The following PCCB variants were observed in gnomAD, a reference collection of about 807,000 sequenced individuals.
The protein encoded by PCCB is propionyl-CoA carboxylase subunit beta.
In PCCB, 43 loss-of-function variants were observed where a neutral mutation model predicts 60.7. The observed-to-expected ratio is 0.71, with a 90% CI of 0.55 to 0.91. The LOEUF (loss-of-function observed/expected upper bound fraction) is 0.91, where lower values mean the gene tolerates loss of function less well. PCCB is among the 40% of genes least tolerant of loss of function. PCCB has a pLI of 0.00. For missense variants in PCCB, 766 were observed against 702.8 expected (o/e 1.09, Z -1.02); for synonymous variants, 276 against 255.9 (o/e 1.08, Z -0.75).
chr3:136,277,786 C>T (rs1275694798), intron 5 of PCCB, among the ~76,000 whole-genome samples: 1 of 152,174 alleles, frequency 6.6e-6, no homozygotes, highest in African/African-American at 2.4e-5. Flanking sequence ...CTGCACTGGG[C>T]TAAGTTCCAG....
chr3:136,326,444 G>C, intron 10 of PCCB: 1 of 701,240 alleles, frequency 1.4e-6, no homozygotes, highest in South Asian at 1.5e-5. Context: ...GCCATCATCA[G>C]TGGAGCCAGA....
At chr3:136,273,380 T>C (rs1942248055) in intron 5 of PCCB, among the ~76,000 whole-genome samples, 1 of 152,080 alleles carries the variant, frequency 6.6e-6, no homozygotes, top group African/African-American at 2.4e-5. Flanking sequence ...TGAGTTTCTG[T>C]CTCAACAAAA....
intron 1 of PCCB, chr3:136,251,140 G>C (rs913853466): frequency 2.2e-6 from 1 of 445,956 alleles, no homozygotes; most frequent in African/African-American, 2.0e-5. Context: ...GCAAAGGCAC[G>C]TGTCGGAAGC....
chr3:136,256,223 G>A (rs1293298612), intron 2 of PCCB: 5 of 575,572 alleles, frequency 8.7e-6, no homozygotes, highest in South Asian at 2.0e-5. Context: ...GACTACAGGC[G>A]TGAGCGACCG....
At chr3:136,259,159 C>T in intron 3 of PCCB, 1 of 1,464,312 alleles carries the variant, frequency 6.8e-7, no homozygotes, top group Non-Finnish European at 9.0e-7. Flanking sequence ...GTTTTTTAAC[C>T]TTTCTTTTTA....
intron 10 of PCCB, among the ~76,000 whole-genome samples, chr3:136,323,741 C>T (rs151287864): frequency 2.3e-4 from 34 of 150,818 alleles, no homozygotes; most frequent in African/African-American, 7.1e-4. Context: ...GCTGAGATGG[C>T]GCCATTGCAC....
At chr3:136,261,900 T>C in intron 4 of PCCB, 52 bp from the exon 5 acceptor site, 1 of 1,286,464 alleles carries the variant, frequency 7.8e-7, no homozygotes, top group Non-Finnish European at 1.1e-6. Context: ...GTGAATGTCG[T>C]TTTTTATATC....
chr3:136,322,007 A>T lies in PCCB; in HGVS notation c.1091-4796A>T, dbSNP rs540735771. 2.6e-5 allele frequency among the ~76,000 whole-genome samples: 4 copies of T among 152,344 alleles called. No individual in the cohort carries two copies. The East Asian group carries it at 7.7e-4, about 29-fold the overall frequency. ...TCTTCCTGCATTAGCCAGGACTTCCAATACAATATTGAAAGATAGTGGTGA... is the reference window on the plus strand; with the variant it reads ...TCTTCCTGCATTAGCCAGGACTTCCTATACAATATTGAAAGATAGTGGTGA... On this transcript the variant is annotated intron_variant, in intron 10 of 14. Coordinates refer to ENST00000251654, the MANE Select transcript of PCCB (RefSeq NM_000532.5).
intron 9 of PCCB, 25 bp downstream of exon 9, chr3:136,301,136 G>A: frequency 6.3e-7 from 1 of 1,577,054 alleles, no homozygotes; most frequent in Non-Finnish European, 8.7e-7. Context: ...TGTTTGTCTT[G>A]CCTGTCCTAG....
At chr3:136,265,162 C>T (rs1941952901) in intron 5 of PCCB, among the ~76,000 whole-genome samples, 1 of 152,166 alleles carries the variant, frequency 6.6e-6, no homozygotes, top group Admixed American at 6.5e-5. Flanking sequence ...CACTGCACTC[C>T]AGCCTGGGTG....
chr3:136,326,087 C>T (rs113623724), intron 10 of PCCB, among the ~76,000 whole-genome samples: 1,743 of 152,276 alleles, frequency 0.011, 30 homozygotes, highest in East Asian at 0.046. Context: ...GCTGGGATTA[C>T]GGTCATGAGC....
intron 5 of PCCB, among the ~76,000 whole-genome samples, chr3:136,266,238 C>T (rs896474823): frequency 6.6e-6 from 1 of 151,992 alleles, no homozygotes; most frequent in African/African-American, 2.4e-5. Context: ...AAGTGATTGC[C>T]CTGCCTCTGC....
intron 1 of PCCB, chr3:136,252,175 C>T (rs138376457): frequency 4.8e-6 from 2 of 417,320 alleles, no homozygotes; most frequent in East Asian, 1.5e-4. Flanking sequence ...AGCCACTGCA[C>T]CCGGCCCTGC....
intron 13 of PCCB, 113 bp from the exon 14 acceptor site, chr3:136,328,645 C>A: frequency 1.2e-6 from 1 of 818,254 alleles, no homozygotes; most frequent in Non-Finnish European, 2.1e-6. Flanking sequence ...GGCACTTCCC[C>A]TCAGTACACT....
intron 1 of PCCB, 77 bp downstream of exon 1, chr3:136,250,635 C>A: frequency 7.0e-7 from 1 of 1,419,366 alleles, no homozygotes; most frequent in East Asian, 2.5e-5. Flanking sequence ...TTGCGGCGTC[C>A]GAGGCCTCCC....
chr3:136,251,171 C>A (rs1465252155), intron 1 of PCCB: 7 of 455,152 alleles, frequency 1.5e-5, no homozygotes, highest in Non-Finnish European at 3.1e-5. Context: ...TCTGGGAGTG[C>A]GCAGGCTACT....
intron 5 of PCCB, among the ~76,000 whole-genome samples, chr3:136,272,236 T>C (rs1003788412): frequency 3.3e-5 from 5 of 152,184 alleles, no homozygotes; most frequent in Non-Finnish European, 5.9e-5. Flanking sequence ...TATTATCTTT[T>C]TGATGTGCTG....
chr3:136,324,732 G>T (rs1935239996), intron 10 of PCCB, among the ~76,000 whole-genome samples: 1 of 152,102 alleles, frequency 6.6e-6, no homozygotes, highest in African/African-American at 2.4e-5. Flanking sequence ...TCTGAGTTAG[G>T]TGAAACAGAG....
chr3:136,287,758 T>C (rs1348568694), intron 6 of PCCB, among the ~76,000 whole-genome samples: 1 of 152,246 alleles, frequency 6.6e-6, no homozygotes, highest in Non-Finnish European at 1.5e-5. Context: ...TCTTAACATA[T>C]TCATTCATTC....
Sources: gnomAD v4.1 joint callset for allele counts (sites outside exome capture counted in the v4.1 genomes callset) on GRCh38, gnomAD v4.1.1 for gene constraint, MANE v1.5 for transcripts, NCBI Gene and HGNC (gene_info 2026-07-23, HGNC 2026-07-21) for gene names.